Variants in CLCN1 observed in about 807,000 individuals in gnomAD.
The protein encoded by CLCN1 is chloride voltage-gated channel 1.
Under a neutral mutation model 114.5 loss-of-function variants are expected in CLCN1, and 100 were observed. That is an observed-to-expected ratio of 0.87 (90% CI 0.74 to 1.03). CLCN1 has a LOEUF of 1.03. CLCN1 is among the 50% of genes least tolerant of loss of function. CLCN1 has a pLI of 0.00. For synonymous variants in CLCN1, 485 were observed against 487.1 expected, an observed-to-expected ratio of 1.00 and a Z score of 0.06; for missense variants, 1,188 against 1,250.0, an observed-to-expected ratio of 0.95 and a Z score of 0.75.
At chr7:143,328,185 A>G (rs1054757127) in intron 7 of CLCN1, among the ~76,000 whole-genome samples, 1 of 152,092 alleles carries the variant, frequency 6.6e-6, no homozygotes, top group African/African-American at 2.4e-5. Context: ...GGGGTTGACG[A>G]GTCTGAAGCT....
Position 143,321,291 on chromosome 7 carries a change from G to A in CLCN1, c.434-74G>A, listed in dbSNP as rs1250239946. ...AAGGAGCACGGCCTGAGAACATGCCGGGTACACGTCCTGGTGCCGTGGACA... is the reference window on the plus strand; with the variant it reads ...AAGGAGCACGGCCTGAGAACATGCCAGGTACACGTCCTGGTGCCGTGGACA... On this transcript the variant is annotated intron_variant, in intron 3 of 22. Transcript: ENST00000343257. The surrounding 1 kb of genome is among the most constrained non-coding windows in gnomAD (Gnocchi z 4.2). 8.3e-6 allele frequency: 13 copies of A among 1,573,860 alleles called. No homozygotes were observed. In the East Asian group the frequency reaches 9.1e-5, roughly 11 times the overall value.
At position 143,321,704 on chromosome 7, in the gene CLCN1, A is replaced by C; in HGVS notation, c.563-11A>C. 1 of 1,614,156 alleles carries C rather than the reference A, an allele frequency of 6.2e-7. No individual in the cohort carries two copies. Among genetic ancestry groups the C allele is most frequent in the Non-Finnish European group, 8.5e-7 (1 of 1,180,018 alleles). On this transcript the variant is annotated splice_polypyrimidine_tract_variant and intron_variant, in intron 4 of 22. Coordinates refer to ENST00000343257, the MANE Select transcript of CLCN1 (RefSeq NM_000083.3). The surrounding 1 kb of genome is among the most constrained non-coding windows in gnomAD (Gnocchi z 4.2). ...ACCTTGACCCTGCACATAATCTTTC[A>C]ACGCTTTTAGGCTCTGGAATCCCCG...
chr7:143,350,453 G>A lies in CLCN1; in HGVS notation c.2485G>A (p.Val829Met). Residue 829 changes from valine to methionine, a missense_variant, in exon 21 of 23, where the codon GTG becomes ATG. By Grantham distance (21) the Val-to-Met change is conservative. Transcript: ENST00000343257. This position sits in a 1 kb window ranked among gnomAD's most constrained non-coding sequence, Gnocchi z 5.1. ...TATTGACCAGTCTCCCTTCCAGCTG[G>A]TGGAGCAGACAACCCTGCACAAGGT... ...CCIDQSPFQL[V>M]EQTTLHKTHT... The A allele has an allele frequency of 4.3e-6, 7 of 1,614,174 alleles. No homozygotes were observed. Among genetic ancestry groups the A allele is most frequent in the South Asian group, 2.2e-5 (2 of 91,076 alleles).
At chr7:143,334,731 C>T (rs912248332) in intron 12 of CLCN1, among the ~76,000 whole-genome samples, 9 of 152,210 alleles carry the variant, frequency 5.9e-5, no homozygotes, top group African/African-American at 1.9e-4. Context: ...TGCAAATGAT[C>T]TTCCCCATTC....
chr7:143,323,229 A>G, intron 5 of CLCN1, 80 bp from the exon 6 acceptor site: 1 of 823,400 alleles, frequency 1.2e-6, no homozygotes. Context: ...GCCTGGAGTA[A>G]GGAATATTAT....
At chr7:143,331,931 C>T (rs572380857) in intron 10 of CLCN1, among the ~76,000 whole-genome samples, 11 of 152,252 alleles carry the variant, frequency 7.2e-5, no homozygotes, top group East Asian at 1.9e-4. Context: ...TGGGTTCAAG[C>T]GATTCTCATG....
At chr7:143,351,390 A>C (rs967885231) in intron 22 of CLCN1, among the ~76,000 whole-genome samples, 1 of 151,966 alleles carries the variant, frequency 6.6e-6, no homozygotes, top group Non-Finnish European at 1.5e-5. Context: ...ATCTTTTGTC[A>C]TGCCCCTTTT....
chr7:143,318,253 G>A (rs138903603), intron 1 of CLCN1, among the ~76,000 whole-genome samples: 98 of 151,454 alleles, frequency 6.5e-4, no homozygotes, highest in African/African-American at 2.3e-3. Flanking sequence ...ATGGAGTTTC[G>A]CTCTTGTTGC....
At position 143,337,807 on chromosome 7, in the gene CLCN1, C is replaced by CTTTTTTT. The variant is rs869078445; in HGVS notation, c.1402-1415_1402-1409dup. Among the ~76,000 whole-genome samples the CTTTTTTT allele has an allele frequency of 2.2e-4, 10 of 46,078 alleles. 3 individuals are homozygous for CTTTTTTT. Among genetic ancestry groups the CTTTTTTT allele is most frequent in the Non-Finnish European group, 2.4e-4 (6 of 24,866 alleles). 30.2% of individuals were successfully genotyped at this position (46,078 alleles called of 152,430 possible). On this transcript the variant is annotated intron_variant, in intron 12 of 22. Coordinates refer to ENST00000343257, the MANE Select transcript of CLCN1 (RefSeq NM_000083.3). ...CTTTTTTCCATTCTATTTCTCAATT[C>CTTTTTTT]TTTTTTTTTTTTTTTTTTTTTTTTT...
At chr7:143,336,104 T>A (rs182148504) in intron 12 of CLCN1, among the ~76,000 whole-genome samples, 372 of 152,320 alleles carry the variant, frequency 2.4e-3, no homozygotes, top group Admixed American at 4.1e-3. Context: ...TTGCTTTTAA[T>A]AAGTCTAACA....
intron 20 of CLCN1, among the ~76,000 whole-genome samples, chr7:143,349,249 A>G (rs1803333360): frequency 1.3e-5 from 2 of 152,188 alleles, no homozygotes; most frequent in African/African-American, 4.8e-5. Context: ...CATCCATCCT[A>G]TGCTATGTAA....
chr7:143,346,101 C>A, intron 17 of CLCN1, 39 bp from the exon 18 acceptor site: 2 of 1,355,494 alleles, frequency 1.5e-6, no homozygotes. Flanking sequence ...CCCAGGCAGT[C>A]TCTGCTCCCA....
Position 143,350,617 on chromosome 7 carries a change from G to C in CLCN1, c.2558G>C (p.Ser853Thr). Residue 853 changes from serine (S) to threonine (T), a missense_variant, in exon 22 of 23, where the codon AGC becomes ACC. Physicochemically the swap from Ser to Thr is moderately conservative, Grantham distance 58. Transcript: ENST00000343257. The surrounding 1 kb of genome is among the most constrained non-coding windows in gnomAD (Gnocchi z 5.1). Reference sequence around the variant, plus strand: ...GGCCTCCACCTCGCTTACGTGACCAGCATGGGGAAGCTCAGGGGCGTCCTG... The same window carrying C: ...GGCCTCCACCTCGCTTACGTGACCACCATGGGGAAGCTCAGGGGCGTCCTG... Reference protein sequence around the residue: ...LLGLHLAYVTSMGKLRGVLAL... With the variant: ...LLGLHLAYVTTMGKLRGVLAL... The C allele has an allele frequency of 6.2e-7, 1 of 1,614,164 alleles. No individual in the cohort carries two copies.
In CLCN1 at chr7:143,341,983, G is replaced by C; in HGVS notation, c.1637G>C (p.Cys546Ser). The stretch of plus-strand genomic sequence containing the variant: ...CACACAGTCTCCACAGCTGTGATTT[G>C]CTTCGAATTAACGGGTCAGATTGCT... Reference protein sequence around the residue: ...VSHTVSTAVICFELTGQIAHI... With the variant: ...VSHTVSTAVISFELTGQIAHI... Residue 546 changes from cysteine (C) to serine (S), a missense_variant, in exon 15 of 23, where the codon TGC becomes TCC. Coordinates refer to ENST00000343257, the MANE Select transcript of CLCN1 (RefSeq NM_000083.3). 6.2e-7 allele frequency: 1 copy of C among 1,614,220 alleles called. No homozygotes were observed.
intron 12 of CLCN1, among the ~76,000 whole-genome samples, chr7:143,338,210 T>G (rs185587375): frequency 6.6e-6 from 1 of 152,280 alleles, no homozygotes; most frequent in African/African-American, 2.4e-5. Context: ...CAATTTCTAT[T>G]GGAGTTCTAG....
chr7:143,350,575 C>T lies in CLCN1; in HGVS notation c.2516C>T (p.Thr839Ile). The change falls in exon 22 of 23, where the codon ACC becomes ATC. Residue 839 changes from threonine (T) to isoleucine (I), a missense_variant. Physicochemically the swap from Thr to Ile is moderately conservative, Grantham distance 89. Transcript: ENST00000343257. The surrounding 1 kb of genome is among the most constrained non-coding windows in gnomAD (Gnocchi z 5.1). ...VEQTTLHKTHTLFSLLGLHLA... is the reference protein window; with the variant it reads ...VEQTTLHKTHILFSLLGLHLA... ...TGTGCTCTTCATCCTCAGACTCATA[C>T]CCTGTTTTCACTCCTTGGCCTCCAC... The T allele has an allele frequency of 6.2e-7, 1 of 1,614,070 alleles. No individual in the cohort carries two copies. Among genetic ancestry groups the T allele is most frequent in the South Asian group, 1.1e-5 (1 of 91,078 alleles).
At position 143,350,694 on chromosome 7, in the gene CLCN1, C is replaced by A; in HGVS notation, c.2595+40C>A. ...TCCCATTTGAGCAGCAGGAGGGAGG[C>A]TGGGCATAGGATAAGGGGATGCAGT... On this transcript the variant is annotated intron_variant, in intron 22 of 22. Transcript: ENST00000343257. The surrounding 1 kb of genome is among the most constrained non-coding windows in gnomAD (Gnocchi z 5.1). 6.7e-7 allele frequency: 1 copy of A among 1,489,994 alleles called. No individual in the cohort carries two copies. The allele number at this position is 1,489,994 out of a possible 1,614,324, so 92.3% of individuals were successfully genotyped here.
chr7:143,318,465 T>C (rs1802346160), intron 1 of CLCN1, among the ~76,000 whole-genome samples: 1 of 152,190 alleles, frequency 6.6e-6, no homozygotes, highest in Non-Finnish European at 1.5e-5. Context: ...TCAGGTAACC[T>C]GCCCATCTCA....
intron 12 of CLCN1, among the ~76,000 whole-genome samples, chr7:143,334,289 C>T (rs1802812341): frequency 6.6e-6 from 1 of 151,608 alleles, no homozygotes; most frequent in African/African-American, 2.4e-5. Flanking sequence ...TATGTCTTGC[C>T]TAAATAACAC....
Sources: gnomAD v4.1 joint callset for allele counts (sites outside exome capture counted in the v4.1 genomes callset) on GRCh38, gnomAD v4.1.1 for gene constraint, Gnocchi (gnomAD v3.1) non-coding constraint, MANE v1.5 for transcripts, NCBI Gene and HGNC (gene_info 2026-07-23, HGNC 2026-07-21) for gene names.